TRPM3: variants seen among roughly 807,000 people sequenced by gnomAD.
TRPM3 encodes long transient receptor potential channel 3.
Under a neutral mutation model 181.2 loss-of-function variants are expected in TRPM3, and 77 were observed. The ratio of observed to expected loss-of-function variants is 0.42; its 90% confidence interval spans 0.35 to 0.51. The LOEUF is 0.51. TRPM3 is among the 20% of genes least tolerant of loss of function. TRPM3 has a pLI of 0.01. For synonymous variants in TRPM3, 745 were observed against 796.4 expected (o/e 0.94, Z 1.09); for missense variants, 1,759 against 2,196.7 (o/e 0.80, Z 3.98).
At chr9:71,046,479 A>G (rs1396516644) in intron 1 of TRPM3, among the ~76,000 whole-genome samples, 1 of 152,230 alleles carries the variant, frequency 6.6e-6, no homozygotes, top group Non-Finnish European at 1.5e-5. Flanking sequence ...TAGCAGGCCC[A>G]TAAAGTATCA....
At chr9:70,843,487 T>C (rs987527764) in intron 4 of TRPM3, among the ~76,000 whole-genome samples, 1 of 152,356 alleles carries the variant, frequency 6.6e-6, no homozygotes, top group East Asian at 1.9e-4. Flanking sequence ...ATAGCTTGAC[T>C]GTGTCATGTT....
intron 1 of TRPM3, among the ~76,000 whole-genome samples, chr9:71,008,656 A>G (rs1005446845): frequency 2.0e-5 from 3 of 152,202 alleles, no homozygotes; most frequent in African/African-American, 7.2e-5. Context: ...CAACCTGGCC[A>G]ACCTGGTGAA....
intron 9 of TRPM3, among the ~76,000 whole-genome samples, chr9:70,641,753 C>T (rs2058088706): frequency 6.6e-6 from 1 of 152,150 alleles, no homozygotes; most frequent in South Asian, 2.1e-4. Flanking sequence ...TGGCCCAGAG[C>T]TCATCTAGGT....
intron 1 of TRPM3, among the ~76,000 whole-genome samples, chr9:71,328,414 C>T (rs561140589): frequency 7.4e-4 from 112 of 152,340 alleles, no homozygotes; most frequent in African/African-American, 2.6e-3. Context: ...GATCTGCCCG[C>T]CTCGGCCTCC....
chr9:70,761,752 G>T (rs2078189613), intron 7 of TRPM3, 28 bp from the exon 8 acceptor site: 1 of 1,595,580 alleles, frequency 6.3e-7, no homozygotes, highest in African/African-American at 1.3e-5. Flanking sequence ...GTCAAAAGCA[G>T]GTCAACCAAC....
intron 1 of TRPM3, among the ~76,000 whole-genome samples, chr9:71,092,035 G>A (rs541326): frequency 0.9 from 136,231 of 152,192 alleles, 61,065 homozygotes; most frequent in East Asian, 1. Context: ...CAGCCACATC[G>A]GTTTAGTAGT....
chr9:71,124,674 T>G (rs556605925), upstream of TRPM3, among the ~76,000 whole-genome samples: 1 of 152,220 alleles, frequency 6.6e-6, no homozygotes, highest in Admixed American at 6.5e-5. Context: ...GGCCATTGTA[T>G]AGCCCTTCTG....
intron 6 of TRPM3, among the ~76,000 whole-genome samples, chr9:70,820,095 T>C (rs1436842040): frequency 2.6e-5 from 4 of 152,190 alleles, no homozygotes; most frequent in Non-Finnish European, 1.5e-5. Flanking sequence ...TTATGACTAC[T>C]CTAAGACACT....
At chr9:70,824,895 G>A (rs934322553) in intron 6 of TRPM3, 1 of 152,214 alleles carries the variant, frequency 6.6e-6, no homozygotes, top group African/African-American at 2.4e-5. Context: ...TGTCAGTGCT[G>A]TTCTAGAGGC....
chr9:71,008,714 T>C (rs2097705390), intron 1 of TRPM3, among the ~76,000 whole-genome samples: 2 of 152,008 alleles, frequency 1.3e-5, no homozygotes, highest in African/African-American at 4.8e-5. Context: ...GCATGGTGGG[T>C]GGTGCCTGTA....
chr9:71,387,346 G>A (rs891485698), intron 1 of TRPM3, among the ~76,000 whole-genome samples: 1 of 152,100 alleles, frequency 6.6e-6, no homozygotes, highest in Non-Finnish European at 1.5e-5. Flanking sequence ...TAATTTTATA[G>A]CAGCAAATCA....
At chr9:71,370,179 A>C (rs998277000) in intron 1 of TRPM3, among the ~76,000 whole-genome samples, 2 of 152,202 alleles carry the variant, frequency 1.3e-5, no homozygotes, top group African/African-American at 2.4e-5. Context: ...CCCTGAGACA[A>C]AACAATATTG....
At chr9:71,302,816 G>A (rs1388415538) in intron 1 of TRPM3, among the ~76,000 whole-genome samples, 1 of 151,898 alleles carries the variant, frequency 6.6e-6, no homozygotes, top group East Asian at 1.9e-4. Flanking sequence ...AAAGAAGGAA[G>A]GAAGGAGGGG....
chr9:70,994,463 T>A (rs759936869), intron 1 of TRPM3, among the ~76,000 whole-genome samples: 9 of 152,172 alleles, frequency 5.9e-5, no homozygotes, highest in Non-Finnish European at 1.0e-4. Context: ...ATTTTTCTTA[T>A]ATACTTCTCT....
rs1455854414 is a variant in TRPM3 at position 70,629,228 on chromosome 9, GGC to G, written c.1633-3713_1633-3712del. On this transcript the variant is annotated intron_variant, in intron 12 of 25. Coordinates refer to ENST00000677713, the MANE Select transcript of TRPM3 (RefSeq NM_001366145.2). The stretch of plus-strand genomic sequence containing the variant: ...TGTGACCAGTGCCGGGGGGGGGGGG[GGC>G]CTGCGTTCTGTTTGACCACAAGGGG... Among the ~76,000 whole-genome samples, 14 of 80,404 alleles carry G rather than the reference GGC, an allele frequency of 1.7e-4. 1 individual carries two copies. Among genetic ancestry groups the G allele is most frequent in the African/African-American group, 5.5e-4 (13 of 23,630 alleles). 52.7% of individuals were successfully genotyped at this position (80,404 alleles called of 152,430 possible).
At chr9:71,249,616 G>A (rs1299393914) in intron 1 of TRPM3, among the ~76,000 whole-genome samples, 1 of 152,088 alleles carries the variant, frequency 6.6e-6, no homozygotes, top group Non-Finnish European at 1.5e-5. Context: ...CTACACAGCT[G>A]TTTCCTTTAA....
chr9:71,299,749 A>G lies in TRPM3; in HGVS notation c.183+146904T>C, dbSNP rs141956502. ...TGTATCTTATTTTCTGTTGGCTAACACCATATACCTTCCCTTAAAATGGCC... is the reference window on the plus strand; with the variant it reads ...TGTATCTTATTTTCTGTTGGCTAACGCCATATACCTTCCCTTAAAATGGCC... On this transcript the variant is annotated intron_variant, in intron 1 of 24. Transcript: ENST00000357533. Among the ~76,000 whole-genome samples, 764 of 152,260 alleles carry G rather than the reference A, an allele frequency of 5.0e-3. 9 individuals are homozygous for G. Among genetic ancestry groups the G allele is most frequent in the African/African-American group, 0.018 (739 of 41,576 alleles).
intron 1 of TRPM3, among the ~76,000 whole-genome samples, chr9:71,428,967 A>T (rs77704216): frequency 7.1e-6 from 1 of 139,980 alleles, no homozygotes; most frequent in East Asian, 2.1e-4. Context: ...AAAAAAAAAA[A>T]GGAAACAGGC....
Position 70,759,972 on chromosome 9 carries a change from T to TA in TRPM3, c.1272+1628dup, listed in dbSNP as rs551796487. 7.6e-4 allele frequency among the ~76,000 whole-genome samples: 115 copies of TA among 152,256 alleles called. 2 individuals are homozygous for TA. Among genetic ancestry groups the TA allele is most frequent in the South Asian group, 3.3e-3 (16 of 4,816 alleles). On this transcript the variant is annotated intron_variant, in intron 8 of 25. Coordinates refer to ENST00000677713, the MANE Select transcript of TRPM3 (RefSeq NM_001366145.2). ...TATCCCAGAACTTAAAGTATAATTT[T>TA]AAAAAATAATTTTTTTAAAGAAGAA...
Sources: gnomAD v4.1 joint callset for allele counts (sites outside exome capture counted in the v4.1 genomes callset) on GRCh38, gnomAD v4.1.1 for gene constraint, MANE v1.5 for transcripts, NCBI Gene and HGNC (gene_info 2026-07-23, HGNC 2026-07-21) for gene names.